TXNDC16: variants seen among roughly 807,000 people sequenced by gnomAD.
TXNDC16 encodes the protein thioredoxin domain containing 16.
Under a neutral mutation model 85.6 loss-of-function variants are expected in TXNDC16, and 74 were observed. The ratio of observed to expected loss-of-function variants is 0.86; its 90% CI spans 0.72 to 1.05. The LOEUF (loss-of-function observed/expected upper bound fraction) is 1.05, where lower values mean the gene tolerates loss of function less well. Ranked by LOEUF, TXNDC16 falls within the 50% of genes least tolerant of loss-of-function variation. The pLI is 0.00. For missense variants in TXNDC16, 959 were observed against 947.0 expected (o/e 1.01, Z -0.17); for synonymous variants, 335 against 326.5 (o/e 1.03, Z -0.28).
At chr14:52,534,941 G>A (rs967569384) in intron 6 of TXNDC16, among the ~76,000 whole-genome samples, 3 of 152,122 alleles carry the variant, frequency 2.0e-5, no homozygotes, top group Admixed American at 1.3e-4. Context: ...AGGACTGAAT[G>A]AGCTGAGCCT....
chr14:52,509,256 A>G (rs2036894586), intron 9 of TXNDC16, among the ~76,000 whole-genome samples: 1 of 152,096 alleles, frequency 6.6e-6, no homozygotes, highest in Admixed American at 6.5e-5. Context: ...GATTTTTAGT[A>G]AAGCTAGGTA....
In TXNDC16 at chr14:52,457,176, TATAA is replaced by T; in HGVS notation, c.1619-6_1619-3del. On this transcript the variant is annotated splice_polypyrimidine_tract_variant and splice_region_variant and intron_variant, in intron 16 of 20. Coordinates refer to ENST00000281741, the MANE Select transcript of TXNDC16 (RefSeq NM_020784.3). ...CTGCTTCACTAAAATCTTCTTTTGCTATAAATACATAGAGAAGACAAAAATCTGA... is the reference window on the plus strand; with the variant it reads ...CTGCTTCACTAAAATCTTCTTTTGCTATACATAGAGAAGACAAAAATCTGA... The T allele has an allele frequency of 6.4e-7, 1 of 1,555,762 alleles. No individual in the cohort carries two copies. Among genetic ancestry groups the T allele is most frequent in the East Asian group, 2.4e-5 (1 of 42,416 alleles).
chr14:52,497,880 CAAAA>C (rs36007755), intron 9 of TXNDC16, among the ~76,000 whole-genome samples: 6 of 95,570 alleles, frequency 6.3e-5, no homozygotes, highest in African/African-American at 1.6e-4. Context: ...GACTCTGTCT[CAAAA>C]AAAAAAAAAA....
intron 18 of TXNDC16, among the ~76,000 whole-genome samples, chr14:52,452,909 G>A (rs1038252650): frequency 6.6e-6 from 1 of 152,078 alleles, no homozygotes. Context: ...CACAGAATGG[G>A]AGAAAATATC....
Position 52,519,166 on chromosome 14 carries a change from G to T in TXNDC16, c.514+6C>A. 1.2e-6 allele frequency: 2 copies of T among 1,605,116 alleles called. No homozygotes were observed. The highest frequency in any genetic ancestry group is 2.2e-5 in the South Asian group (2 of 89,106). On this transcript the variant is annotated splice_donor_region_variant and intron_variant, in intron 7 of 20. Transcript: ENST00000281741. ...AGCAAAGATTAAAGCAAAAGTTAAA[G>T]AATACCTGGTATTCCAATGGCTCTT...
rs1281736470 is a variant in TXNDC16, at chr14:52,430,903, T to C, written c.*1401A>G. 2 of 152,208 alleles carry C rather than the reference T, an allele frequency of 1.3e-5. No homozygotes were observed. Among genetic ancestry groups the C allele is most frequent in the African/African-American group, 4.8e-5 (2 of 41,452 alleles). 9.4% of individuals were successfully genotyped at this position (152,208 alleles called of 1,614,324 possible). On this transcript the variant is annotated 3_prime_UTR_variant, in exon 21 of 21. Transcript: ENST00000281741. ...CGGGTCTATGTTATAAGGAAATATA[T>C]GCACTTACTGAGTTTTAGCTGTTAG...
intron 4 of TXNDC16, among the ~76,000 whole-genome samples, chr14:52,540,313 T>C (rs879295042): frequency 1.3e-5 from 2 of 152,196 alleles, no homozygotes; most frequent in African/African-American, 2.4e-5. Flanking sequence ...AAAAATCAAA[T>C]ATAGGCTTTC....
intron 6 of TXNDC16, among the ~76,000 whole-genome samples, chr14:52,521,043 CATAA>C (rs2037197100): frequency 6.6e-6 from 1 of 151,618 alleles, no homozygotes; most frequent in African/African-American, 2.4e-5. Context: ...TACATGTTAA[CATAA>C]ATACTTTTTA....
chr14:52,458,693 G>C (rs988197837), intron 16 of TXNDC16, among the ~76,000 whole-genome samples: 5 of 152,196 alleles, frequency 3.3e-5, no homozygotes, highest in African/African-American at 1.2e-4. Flanking sequence ...AGAGTGAACA[G>C]AGTGAAATTC....
At chr14:52,506,108 G>A (rs936424913) in intron 9 of TXNDC16, among the ~76,000 whole-genome samples, 8 of 152,204 alleles carry the variant, frequency 5.3e-5, no homozygotes, top group South Asian at 4.1e-4. Flanking sequence ...AAATAGTCCA[G>A]GACCAGATGG....
At chr14:52,445,174 C>CCAAAAAT (rs2035250311) in intron 18 of TXNDC16, among the ~76,000 whole-genome samples, 1 of 152,108 alleles carries the variant, frequency 6.6e-6, no homozygotes, top group African/African-American at 2.4e-5. Context: ...ACAAAGGCTT[C>CCAAAAAT]TAGTAATTCC....
At position 52,530,325 on chromosome 14, in the gene TXNDC16, T is replaced by A. The variant is rs1282868610; in HGVS notation, c.392+6394A>T. ...TATTAATATATAATATATAATTATTTTTATATTATATATAATTATATATTA... is the reference window on the plus strand; with the variant it reads ...TATTAATATATAATATATAATTATTATTATATTATATATAATTATATATTA... On this transcript the variant is annotated intron_variant, in intron 6 of 20. Transcript: ENST00000281741. Among the ~76,000 whole-genome samples, 97 of 48,706 alleles carry A rather than the reference T, an allele frequency of 2.0e-3. 2 individuals are homozygous for A. Among genetic ancestry groups the A allele is most frequent in the African/African-American group, 8.0e-3 (94 of 11,694 alleles). The allele number at this position is 48,706 out of a possible 152,430, so 32.0% of individuals were successfully genotyped here. A position where few individuals can be genotyped will look rare whatever the true frequency, so the allele number is the denominator to read the frequency against.
intron 9 of TXNDC16, among the ~76,000 whole-genome samples, chr14:52,510,822 T>C (rs535061040): frequency 1.3e-5 from 2 of 152,330 alleles, no homozygotes; most frequent in South Asian, 2.1e-4. Flanking sequence ...AGAAATCCTA[T>C]GGTTCTAATA....
At chr14:52,490,312 TA>T in intron 11 of TXNDC16, 78 bp downstream of exon 11, 1 of 987,146 alleles carries the variant, frequency 1.0e-6, no homozygotes, top group Non-Finnish European at 1.4e-6. Context: ...TTTTCTATAA[TA>T]AAAATATATT....
chr14:52,536,551 A>G (rs551743652), intron 6 of TXNDC16, among the ~76,000 whole-genome samples, 168 bp downstream of exon 6: 143 of 152,308 alleles, frequency 9.4e-4, no homozygotes, highest in African/African-American at 2.9e-3. Flanking sequence ...CCATTAAAAA[A>G]TTTTTTAGAT....
chr14:52,508,492 G>A (rs1419710490), intron 9 of TXNDC16, among the ~76,000 whole-genome samples: 3 of 152,218 alleles, frequency 2.0e-5, no homozygotes, highest in African/African-American at 7.2e-5. Context: ...TTCAACCATT[G>A]TGGAAGTCAG....
chr14:52,508,264 T>C (rs1012258864), intron 9 of TXNDC16, among the ~76,000 whole-genome samples: 8 of 152,104 alleles, frequency 5.3e-5, no homozygotes, highest in East Asian at 1.9e-4. Context: ...AGGATATGAA[T>C]AGACACTTCT....
rs769619427 is a variant in TXNDC16, at chr14:52,432,425, G to T, written c.2357C>A (p.Ala786Glu). Residue 786 changes from alanine (A) to glutamate (E), a missense_variant, in exon 21 of 21, where the codon GCA becomes GAA. By Grantham distance (107) the Ala-to-Glu change is moderately radical. Coordinates refer to ENST00000281741, the MANE Select transcript of TXNDC16 (RefSeq NM_020784.3). ...NDKEQHEDKS[A>E]VRKEPIETLR... ...AGTTTCAATCGGTTCTTTTCTGACT[G>T]CCGATTTATCTTCATGTTGTTCCTT... 2.0e-5 allele frequency: 33 copies of T among 1,613,862 alleles called. No individual in the cohort carries two copies. In the East Asian group the frequency reaches 6.7e-4, roughly 33 times the overall value.
intron 1 of TXNDC16, among the ~76,000 whole-genome samples, chr14:52,549,223 T>C (rs1287177548): frequency 6.6e-6 from 1 of 152,194 alleles, no homozygotes; most frequent in Non-Finnish European, 1.5e-5. Flanking sequence ...AGTTGACATA[T>C]AAGATGTAAC....
Sources: gnomAD v4.1 joint callset for allele counts (sites outside exome capture counted in the v4.1 genomes callset) on GRCh38, gnomAD v4.1.1 for gene constraint, MANE v1.5 for transcripts, NCBI Gene and HGNC (gene_info 2026-07-23, HGNC 2026-07-21) for gene names.